The following GRB10 variants were observed in gnomAD, a reference collection of about 807,000 sequenced individuals.
GRB10 encodes growth factor receptor bound protein 10.
A neutral mutation model predicts 80.9 loss-of-function variants in GRB10; 20 were observed. The ratio of observed to expected loss-of-function variants is 0.25; its 90% CI spans 0.17 to 0.36. The LOEUF (loss-of-function observed/expected upper bound fraction) is 0.36. Ranked by LOEUF, GRB10 falls within the 10% of genes least tolerant of loss-of-function variation. The pLI is 1.00. For synonymous variants in GRB10, 291 were observed against 291.5 expected (o/e 1.00, Z 0.02); for missense variants, 548 against 747.7 (o/e 0.73, Z 3.12).
chr7:50,645,700 G>C lies in GRB10; in HGVS notation c.505-18722C>G, dbSNP rs987391965. 4 of 798,790 alleles carry C rather than the reference G, an allele frequency of 5.0e-6. No homozygotes were observed. In the African/African-American group the frequency reaches 7.4e-5, roughly 15 times the overall value. 49.5% of individuals were successfully genotyped at this position (798,790 alleles called of 1,614,324 possible). A position where few individuals can be genotyped will look rare whatever the true frequency, so the allele number is the denominator to read the frequency against. On this transcript the variant is annotated intron_variant, in intron 7 of 18. Transcript: ENST00000401949. Reference sequence around the variant, plus strand: ...CAGACCTCTTGGGGTCTGTCCATTTGCTCCCAGACAGGCTCAGTAAACATC... The same window carrying C: ...CAGACCTCTTGGGGTCTGTCCATTTCCTCCCAGACAGGCTCAGTAAACATC...
chr7:50,645,930 G>A (rs917416054), intron 7 of GRB10, among the ~76,000 whole-genome samples: 4 of 152,090 alleles, frequency 2.6e-5, no homozygotes, highest in African/African-American at 4.8e-5. Context: ...CCTTCCCATC[G>A]TATTATAAGT....
chr7:50,698,398 G>T (rs542265515), intron 5 of GRB10, among the ~76,000 whole-genome samples: 16 of 152,316 alleles, frequency 1.1e-4, no homozygotes, highest in Middle Eastern at 3.4e-3. Flanking sequence ...TAGCCTAAGA[G>T]AATAAAGATT....
intron 5 of GRB10, among the ~76,000 whole-genome samples, chr7:50,687,779 T>C (rs2062283178): frequency 1.3e-5 from 2 of 152,032 alleles, no homozygotes; most frequent in Admixed American, 6.6e-5. Flanking sequence ...TATGAGAAGT[T>C]GGTGCTTGGT....
At chr7:50,739,682 T>C (rs911371053) in intron 3 of GRB10, among the ~76,000 whole-genome samples, 1 of 152,222 alleles carries the variant, frequency 6.6e-6, no homozygotes, top group Non-Finnish European at 1.5e-5. Context: ...AACCTACAGT[T>C]TGAAAATAGG....
chr7:50,641,126 CAG>C (rs752134843), intron 7 of GRB10, among the ~76,000 whole-genome samples: 1 of 145,628 alleles, frequency 6.9e-6, no homozygotes, highest in East Asian at 2.1e-4. Context: ...AGCTCCTGGA[CAG>C]AGAGTCACAT....
At chr7:50,686,318 C>T (rs183467997) in intron 5 of GRB10, among the ~76,000 whole-genome samples, 198 of 152,234 alleles carry the variant, frequency 1.3e-3, no homozygotes, top group African/African-American at 4.6e-3. Flanking sequence ...CATCAGTTGC[C>T]AGATCTGGGA....
intron 8 of GRB10, among the ~76,000 whole-genome samples, chr7:50,625,701 A>G (rs1348024457): frequency 6.6e-6 from 1 of 152,262 alleles, no homozygotes; most frequent in Admixed American, 6.5e-5. Context: ...ATTGATAGAG[A>G]TGGGAAAGAA....
At chr7:50,638,841 A>C (rs1227502158) in intron 7 of GRB10, among the ~76,000 whole-genome samples, 5 of 152,160 alleles carry the variant, frequency 3.3e-5, no homozygotes, top group African/African-American at 9.7e-5. Context: ...GAATCAACCT[A>C]AATGTCTATC....
intron 7 of GRB10, among the ~76,000 whole-genome samples, chr7:50,661,517 C>CTTAA: frequency 6.6e-6 from 1 of 152,322 alleles, no homozygotes; most frequent in South Asian, 2.1e-4. Flanking sequence ...CTGAGCTTGT[C>CTTAA]TTAAGTTCAT....
At chr7:50,629,259 C>T (rs1388769107) in intron 7 of GRB10, among the ~76,000 whole-genome samples, 1 of 152,088 alleles carries the variant, frequency 6.6e-6, no homozygotes, top group African/African-American at 2.4e-5. Flanking sequence ...ATGGTTTTCT[C>T]ATTTTTTTTT....
intron 4 of GRB10, chr7:50,711,120 G>A (rs2065833399): frequency 3.4e-6 from 2 of 580,934 alleles, no homozygotes; most frequent in East Asian, 2.8e-5. Context: ...TAACCTACAG[G>A]CTTAACAGGG....
chr7:50,591,510 G>A lies in GRB10; in HGVS notation c.*1442C>T, dbSNP rs1055935981. ...CAGTAGTTTGTCGCCTGTCAAAGGA[G>A]TCCTTTCTGCTTTACAGGGATCAAA... On this transcript the variant is annotated 3_prime_UTR_variant, in exon 19 of 19. Transcript: ENST00000401949. 8.5e-5 allele frequency: 13 copies of A among 152,270 alleles called. No individual in the cohort carries two copies. The highest frequency in any genetic ancestry group is 3.1e-4 in the African/African-American group (13 of 41,452). The allele number at this position is 152,270 out of a possible 1,614,324, so 9.4% of individuals were successfully genotyped here.
At chr7:50,791,319 C>G (rs189217940) in intron 1 of GRB10, among the ~76,000 whole-genome samples, 628 of 152,248 alleles carry the variant, frequency 4.1e-3, no homozygotes, top group Non-Finnish European at 5.9e-3. Context: ...ATGGCATTAA[C>G]CTTGAAGGCT....
At position 50,591,982 on chromosome 7, in the gene GRB10, G is replaced by C. The variant is rs928942091; in HGVS notation, c.*970C>G. Reference sequence around the variant, plus strand: ...ACGACTCACACCACTGCAGCAGCAGGGGTAAGGCAGTGATCGTTCTAGAAC... The same window carrying C: ...ACGACTCACACCACTGCAGCAGCAGCGGTAAGGCAGTGATCGTTCTAGAAC... On this transcript the variant is annotated 3_prime_UTR_variant, in exon 19 of 19. Coordinates refer to ENST00000401949, the MANE Select transcript of GRB10 (RefSeq NM_001350814.2). 4 of 152,236 alleles carry C rather than the reference G, an allele frequency of 2.6e-5. No individual in the cohort carries two copies. Among genetic ancestry groups the C allele is most frequent in the Non-Finnish European group, 4.4e-5 (3 of 68,050 alleles). The allele number at this position is 152,236 out of a possible 1,614,324, so 9.4% of individuals were successfully genotyped here.
intron 2 of GRB10, among the ~76,000 whole-genome samples, chr7:50,758,995 G>A (rs1046846936): frequency 3.9e-5 from 1 of 25,684 alleles, no homozygotes; most frequent in Non-Finnish European, 6.4e-5. Flanking sequence ...GACCAGTTAT[G>A]GCATATAGCG....
At chr7:50,704,451 C>T (rs150306324) in intron 4 of GRB10, among the ~76,000 whole-genome samples, 1 of 152,180 alleles carries the variant, frequency 6.6e-6, no homozygotes, top group Non-Finnish European at 1.5e-5. Flanking sequence ...TCTAGAAACA[C>T]ACCTGCATGG....
At chr7:50,761,728 C>T (rs2075787256) in intron 2 of GRB10, 2 of 152,222 alleles carry the variant, frequency 1.3e-5, no homozygotes, top group African/African-American at 4.8e-5. Flanking sequence ...TACCAAATCT[C>T]ATTTCAAATT....
intron 4 of GRB10, among the ~76,000 whole-genome samples, chr7:50,719,656 C>T (rs778250960): frequency 5.3e-5 from 8 of 151,882 alleles, no homozygotes; most frequent in Admixed American, 2.0e-4. Flanking sequence ...CAAACCTGCA[C>T]GTTCTGCACA....
At position 50,590,160 on chromosome 7, in the gene GRB10, G is replaced by A. The variant is rs887778155; in HGVS notation, c.*2792C>T. The A allele has an allele frequency of 6.6e-6, 1 of 152,192 alleles. No homozygotes were observed. The highest frequency in any genetic ancestry group is 1.5e-5 in the Non-Finnish European group (1 of 68,042). The allele number at this position is 152,192 out of a possible 1,614,324, so 9.4% of individuals were successfully genotyped here. A position where few individuals can be genotyped will look rare whatever the true frequency, so the allele number is the denominator to read the frequency against. The stretch of plus-strand genomic sequence containing the variant: ...AAAATACCTGAAAGTTTACAATTAG[G>A]TTCACGAGCCAAAGAGCTATGTACA... On this transcript the variant is annotated 3_prime_UTR_variant, in exon 19 of 19. Coordinates refer to ENST00000401949, the MANE Select transcript of GRB10 (RefSeq NM_001350814.2).
Sources: gnomAD v4.1 joint callset for allele counts (sites outside exome capture counted in the v4.1 genomes callset) on GRCh38, gnomAD v4.1.1 for gene constraint, MANE v1.5 for transcripts, NCBI Gene and HGNC (gene_info 2026-07-23, HGNC 2026-07-21) for gene names.